Variants in ASPH observed in about 807,000 individuals in gnomAD.
ASPH encodes aspartate beta-hydroxylase.
Under a neutral mutation model 118.4 loss-of-function variants are expected in ASPH, and 100 were observed. That is an observed-to-expected ratio of 0.84 (90% confidence interval 0.72 to 1.00). The LOEUF is 1.00. ASPH is among the 50% of genes least tolerant of loss of function. The probability of loss-of-function intolerance (pLI) is 0.00; values close to 1 mark genes in which losing one functional copy is unlikely to be tolerated. For synonymous variants in ASPH, 315 were observed against 325.6 expected, an observed-to-expected ratio of 0.97 and a Z score of 0.35; for missense variants, 920 against 919.5, an observed-to-expected ratio of 1.00 and a Z score of -0.01.
chr8:61,615,862 T>C (rs1395986232), intron 14 of ASPH, among the ~76,000 whole-genome samples: 1 of 152,254 alleles, frequency 6.6e-6, no homozygotes, highest in African/African-American at 2.4e-5. Context: ...TCCATTTTTT[T>C]ACTACATATT....
chr8:61,558,495 T>C (rs990956706), intron 18 of ASPH, among the ~76,000 whole-genome samples: 15 of 151,704 alleles, frequency 9.9e-5, no homozygotes, highest in Admixed American at 2.6e-4. Flanking sequence ...TCCTGGGGAG[T>C]AGAAAAAAAT....
intron 22 of ASPH, 44 bp downstream of exon 22, chr8:61,525,933 T>C: frequency 6.2e-7 from 1 of 1,610,812 alleles, no homozygotes; most frequent in South Asian, 1.1e-5. Context: ...CCACTTCCCA[T>C]CAGGTTTGGG....
chr8:61,503,498 T>C lies in ASPH; in HGVS notation c.2138A>G (p.Glu713Gly). 6.2e-7 allele frequency: 1 copy of C among 1,610,846 alleles called. No homozygotes were observed. ...RCANETKTWE[E>G]GKVLIFDDSF... ...GTCATCAAAGATGAGCACCTTGCCT[T>C]CCTCCCAGGTCCTGCAGCAGAAAGA... The change falls in exon 25 of 25, where the codon GAA becomes GGA. Residue 713 changes from glutamate to glycine, a missense_variant. Coordinates refer to ENST00000379454, the MANE Select transcript of ASPH (RefSeq NM_004318.4).
At position 61,714,385 on chromosome 8, in the gene ASPH, G is replaced by A; in HGVS notation, c.-14C>T. The A allele has an allele frequency of 6.7e-7, 1 of 1,495,838 alleles. No individual in the cohort carries two copies. The highest frequency in any genetic ancestry group is 8.9e-7 in the Non-Finnish European group (1 of 1,121,090). 92.7% of individuals were successfully genotyped at this position (1,495,838 alleles called of 1,614,324 possible). On this transcript the variant is annotated 5_prime_UTR_variant, in exon 1 of 25. Coordinates refer to ENST00000379454, the MANE Select transcript of ASPH (RefSeq NM_004318.4). ...ACGCTGGGCCATTGCACGGTCCGCG[G>A]GGGCTGGTGAGGGCTGGCGGACCTC...
intron 3 of ASPH, chr8:61,668,383 AAGTT>A (rs1307358810): frequency 4.9e-6 from 4 of 821,758 alleles, no homozygotes; most frequent in South Asian, 1.8e-5. Context: ...AAAATATGTT[AAGTT>A]AGTTAAATTC....
chr8:61,566,283 T>C (rs1831647943), intron 17 of ASPH, among the ~76,000 whole-genome samples: 1 of 152,214 alleles, frequency 6.6e-6, no homozygotes, highest in South Asian at 2.1e-4. Flanking sequence ...AGGAAGTAAC[T>C]ACAGATGTGG....
chr8:61,665,373 T>C, intron 3 of ASPH: 2 of 1,613,858 alleles, frequency 1.2e-6, no homozygotes. Context: ...TTCATATTTG[T>C]TGATTTTTTC....
At chr8:61,689,011 A>G (rs547741540) in intron 1 of ASPH, among the ~76,000 whole-genome samples, 2 of 152,308 alleles carry the variant, frequency 1.3e-5, no homozygotes, top group Admixed American at 6.5e-5. Context: ...TCATACATCT[A>G]TTCTTTTCTT....
chr8:61,539,699 G>GGAGT (rs1554618405), intron 21 of ASPH, among the ~76,000 whole-genome samples: 1 of 124,214 alleles, frequency 8.1e-6, no homozygotes, highest in Non-Finnish European at 1.7e-5. Flanking sequence ...ACACTTCTGG[G>GGAGT]GTGTGTGTGT....
At chr8:61,584,854 T>C (rs1482380906) in intron 14 of ASPH, among the ~76,000 whole-genome samples, 1 of 152,084 alleles carries the variant, frequency 6.6e-6, no homozygotes, top group Admixed American at 6.5e-5. Flanking sequence ...AGCCTGTTCT[T>C]TATCTTCTTC....
intron 1 of ASPH, chr8:61,684,484 CCT>C (rs1384128795): frequency 8.3e-6 from 2 of 240,456 alleles, no homozygotes; most frequent in Non-Finnish European, 1.6e-5. Flanking sequence ...CTGAATATTA[CCT>C]CTTTCCAAAG....
intron 12 of ASPH, among the ~76,000 whole-genome samples, chr8:61,636,383 G>C (rs1469221583): frequency 6.6e-6 from 1 of 152,188 alleles, no homozygotes; most frequent in Non-Finnish European, 1.5e-5. Context: ...GACAGAGGGA[G>C]AGAGGACTCA....
Position 61,505,117 on chromosome 8 carries a change from T to A in ASPH, c.2127-1608A>T, listed in dbSNP as rs113240140. Among the ~76,000 whole-genome samples, 648 of 152,280 alleles carry A rather than the reference T, an allele frequency of 4.3e-3. 2 individuals are homozygous for A. The highest frequency in any genetic ancestry group is 0.015 in the African/African-American group (632 of 41,570). ...TTCCCCCATACTGTCCTCATCATAG[T>A]GAATAAGTATCATGAGATCTGATGG... On this transcript the variant is annotated intron_variant, in intron 24 of 24. Transcript: ENST00000379454.
chr8:61,610,142 C>T (rs1464733555), intron 14 of ASPH, among the ~76,000 whole-genome samples: 1 of 152,114 alleles, frequency 6.6e-6, no homozygotes, highest in Non-Finnish European at 1.5e-5. Context: ...TTGTCACAAT[C>T]ATTATACAAA....
intron 3 of ASPH, chr8:61,658,745 A>G (rs1815139214): frequency 6.6e-6 from 1 of 152,186 alleles, no homozygotes; most frequent in African/African-American, 2.4e-5. Flanking sequence ...TAGTTAAAAC[A>G]CTGCAATTAC....
chr8:61,646,142 GC>G (rs1217194934), intron 6 of ASPH, among the ~76,000 whole-genome samples: 1 of 152,186 alleles, frequency 6.6e-6, no homozygotes, highest in Non-Finnish European at 1.5e-5. Flanking sequence ...CTGTGTTCAA[GC>G]CGCTGCACTT....
At chr8:61,503,944 G>T (rs1805462080) in intron 24 of ASPH, among the ~76,000 whole-genome samples, 1 of 152,162 alleles carries the variant, frequency 6.6e-6, no homozygotes, top group African/African-American at 2.4e-5. Context: ...TGGAAGAAAG[G>T]AATCTGCTTA....
At chr8:61,631,285 G>A (rs1855481144) in intron 13 of ASPH, among the ~76,000 whole-genome samples, 1 of 152,084 alleles carries the variant, frequency 6.6e-6, no homozygotes, top group Non-Finnish European at 1.5e-5. Flanking sequence ...TAATGTCCTA[G>A]GCTTTCACAT....
chr8:61,580,093 C>A (rs1837003613), intron 15 of ASPH, among the ~76,000 whole-genome samples: 1 of 152,094 alleles, frequency 6.6e-6, no homozygotes, highest in African/African-American at 2.4e-5. Flanking sequence ...TGGTCTTGGG[C>A]AGCTCCACCC....
Sources: allele counts gnomAD v4.1 joint callset (sites outside exome capture counted in the v4.1 genomes callset), GRCh38; gene constraint gnomAD v4.1.1; transcripts MANE v1.5; gene names NCBI Gene and HGNC (gene_info 2026-07-23, HGNC 2026-07-21).